ASCC1: variants seen among roughly 807,000 people sequenced by gnomAD.
ASCC1 encodes the protein activating signal cointegrator 1 complex subunit 1.
In ASCC1, 35 loss-of-function variants were observed where a neutral mutation model predicts 46.6. The observed-to-expected ratio is 0.75, with a 90% CI of 0.57 to 0.99. The LOEUF is 0.99. Among genes scored for constraint, ASCC1 ranks in the 50% least tolerant of loss-of-function variants. The probability of loss-of-function intolerance (pLI) is 0.00; values close to 1 mark genes in which losing one functional copy is unlikely to be tolerated. For synonymous variants in ASCC1, 143 were observed against 146.6 expected (o/e 0.98, Z 0.18); for missense variants, 376 against 428.7 (o/e 0.88, Z 1.09).
intron 7 of ASCC1, among the ~76,000 whole-genome samples, chr10:72,145,524 G>A (rs187052570): frequency 1.3e-5 from 2 of 150,196 alleles, no homozygotes; most frequent in Non-Finnish European, 3.0e-5. Flanking sequence ...TCCTTAGACA[G>A]GCTTTTAACA....
In ASCC1 at chr10:72,110,931, A is replaced by C. The variant is rs183782229; in HGVS notation, c.958-13481T>G. 2.9e-3 allele frequency among the ~76,000 whole-genome samples: 437 copies of C among 152,004 alleles called. 2 individuals are homozygous for C. Among genetic ancestry groups the C allele is most frequent in the African/African-American group, 0.01 (416 of 41,250 alleles). On this transcript the variant is annotated intron_variant, in intron 9 of 9. Coordinates refer to ENST00000672957, the MANE Select transcript of ASCC1 (RefSeq NM_001198800.3). ...AGAGGCTGCCACATGTTATCAACTAAGTTATTTTCAACTAAGTTACCTCAT... is the reference window on the plus strand; with the variant it reads ...AGAGGCTGCCACATGTTATCAACTACGTTATTTTCAACTAAGTTACCTCAT...
At chr10:72,216,704 G>C (rs983653021), upstream of ASCC1, 3 of 393,204 alleles carry the variant, frequency 7.6e-6, no homozygotes, top group Non-Finnish European at 1.5e-5. Flanking sequence ...TGAATGCGAG[G>C]TCATCCCTGC....
rs189902626 is a variant in ASCC1, at chr10:72,209,075, G to A, written c.212+1657C>T. Among the ~76,000 whole-genome samples the A allele has an allele frequency of 3.3e-3, 498 of 151,338 alleles. 5 individuals are homozygous for A. Among genetic ancestry groups the A allele is most frequent in the African/African-American group, 0.012 (477 of 41,224 alleles). ...AGCTATTTGGGGGGTTTAAGTGGGA[G>A]GATCACTTGAGCCCAGGAAGTCAAG... On this transcript the variant is annotated intron_variant, in intron 3 of 9. Coordinates refer to ENST00000672957, the MANE Select transcript of ASCC1 (RefSeq NM_001198800.3).
chr10:72,152,620 C>A (rs758613585), intron 7 of ASCC1, among the ~76,000 whole-genome samples: 1 of 152,072 alleles, frequency 6.6e-6, no homozygotes, highest in Non-Finnish European at 1.5e-5. Context: ...CCCTGGAGCC[C>A]AGGACGCTGA....
intron 5 of ASCC1, among the ~76,000 whole-genome samples, chr10:72,166,501 C>CAAAAAAAA (rs769084089): frequency 8.8e-6 from 1 of 113,516 alleles, no homozygotes; most frequent in African/African-American, 4.6e-5. Context: ...TTTTTCTCTA[C>CAAAAAAAA]AAAAAAAAAA....
In ASCC1 at chr10:72,128,015, A is replaced by T. The variant is rs546957701; in HGVS notation, c.957+67T>A. 26 of 1,202,000 alleles carry T rather than the reference A, an allele frequency of 2.2e-5. 1 individual carries two copies. Among genetic ancestry groups the T allele is most frequent in the African/African-American group, 1.5e-4 (10 of 66,710 alleles). The allele number at this position is 1,202,000 out of a possible 1,614,324, so 74.5% of individuals were successfully genotyped here. On this transcript the variant is annotated intron_variant, in intron 9 of 9. Coordinates refer to ENST00000672957, the MANE Select transcript of ASCC1 (RefSeq NM_001198800.3). ...AGTATGAAGAAATATACGGAGAACT[A>T]CTTGTTTTCCTGCCTTATTTAGGAC...
intron 2 of ASCC1, among the ~76,000 whole-genome samples, chr10:72,211,348 C>T (rs1202490367): frequency 2.0e-5 from 3 of 152,242 alleles, no homozygotes; most frequent in Middle Eastern, 3.4e-3. Flanking sequence ...AGGGATTCTC[C>T]ATCTGTGGAT....
At chr10:72,161,956 C>T (rs1282387408) in intron 5 of ASCC1, among the ~76,000 whole-genome samples, 2 of 152,006 alleles carry the variant, frequency 1.3e-5, no homozygotes, top group East Asian at 3.8e-4. Context: ...AGATATGACA[C>T]CAAAAACATG....
chr10:72,124,704 A>G (rs1442181442), intron 9 of ASCC1, among the ~76,000 whole-genome samples: 1 of 146,330 alleles, frequency 6.8e-6, no homozygotes, highest in African/African-American at 2.5e-5. Context: ...ATCACTGCCT[A>G]TGGCTAAACA....
At position 72,213,601 on chromosome 10, in the gene ASCC1, TA is replaced by T. The variant is rs762289534; in HGVS notation, c.-33-271del. Among the ~76,000 whole-genome samples, 846 of 128,274 alleles carry T rather than the reference TA, an allele frequency of 6.6e-3. 5 individuals carry two copies. The highest frequency in any genetic ancestry group is 0.011 in the African/African-American group (393 of 35,416). The allele number at this position is 128,274 out of a possible 152,430, so 84.2% of individuals were successfully genotyped here. A position where few individuals can be genotyped will look rare whatever the true frequency, so the allele number is the denominator to read the frequency against. On this transcript the variant is annotated intron_variant, in intron 1 of 9. Coordinates refer to ENST00000672957, the MANE Select transcript of ASCC1 (RefSeq NM_001198800.3). ...AAAATGATTAAAAGGCATACACTCT[TA>T]AAAAAAAAAAAAAAAGAAGGAAGGG... is the stretch of plus-strand genomic sequence containing the variant.
intron 9 of ASCC1, among the ~76,000 whole-genome samples, chr10:72,123,780 G>A (rs985624749): frequency 1.3e-5 from 2 of 152,026 alleles, no homozygotes; most frequent in East Asian, 1.9e-4. Context: ...TTGTGCTTTC[G>A]TTCCCTTAGG....
chr10:72,202,169 T>G (rs1408085564), intron 4 of ASCC1, among the ~76,000 whole-genome samples: 1 of 152,034 alleles, frequency 6.6e-6, no homozygotes, highest in Non-Finnish European at 1.5e-5. Flanking sequence ...ACTCTTTGAC[T>G]TTAAAAAAGT....
At chr10:72,180,989 CAG>C (rs1170115143) in intron 5 of ASCC1, 1 of 161,526 alleles carries the variant, frequency 6.2e-6, no homozygotes, top group Non-Finnish European at 1.4e-5. Flanking sequence ...TTTTTGGAGA[CAG>C]AGTCTCACTC....
intron 7 of ASCC1, among the ~76,000 whole-genome samples, chr10:72,145,639 T>C (rs1847537571): frequency 6.6e-6 from 1 of 152,256 alleles, no homozygotes. Flanking sequence ...TTCCCTAAAT[T>C]GCCATAATAG....
chr10:72,216,963 AATG>A (rs1342872857), upstream of ASCC1: 1 of 456,070 alleles, frequency 2.2e-6, no homozygotes, highest in East Asian at 7.0e-5. Flanking sequence ...AAAAATCCAT[AATG>A]ATCCAATACT....
At chr10:72,146,739 C>T (rs1326026506) in intron 7 of ASCC1, among the ~76,000 whole-genome samples, 1 of 152,180 alleles carries the variant, frequency 6.6e-6, no homozygotes, top group African/African-American at 2.4e-5. Context: ...TCCCAGCTCT[C>T]TGTTTCCAGA....
intron 6 of ASCC1, among the ~76,000 whole-genome samples, chr10:72,156,204 C>T (rs1326727442): frequency 2.0e-5 from 3 of 152,140 alleles, no homozygotes; most frequent in Non-Finnish European, 1.5e-5. Flanking sequence ...GTGTGTGGCA[C>T]CTCCCCTGCC....
At chr10:72,117,484 G>A (rs747869957) in intron 9 of ASCC1, among the ~76,000 whole-genome samples, 3 of 152,052 alleles carry the variant, frequency 2.0e-5, no homozygotes, top group Non-Finnish European at 4.4e-5. Flanking sequence ...GATTGAGAAC[G>A]CTCTTTGTCA....
intron 3 of ASCC1, 132 bp from the exon 4 acceptor site, chr10:72,203,656 C>A: frequency 1.4e-6 from 1 of 728,828 alleles, no homozygotes; most frequent in Non-Finnish European, 2.4e-6. Flanking sequence ...TCAATATTTG[C>A]GGAAGAAATT....
Sources: allele counts gnomAD v4.1 joint callset (sites outside exome capture counted in the v4.1 genomes callset), GRCh38; gene constraint gnomAD v4.1.1; transcripts MANE v1.5; gene names NCBI Gene and HGNC (gene_info 2026-07-23, HGNC 2026-07-21).